The following RERE variants were observed in gnomAD, a reference collection of about 807,000 sequenced individuals.
RERE encodes the protein arginine-glutamic acid dipeptide repeats.
RERE carries 40 observed loss-of-function variants against 146.1 expected under a neutral mutation model. The observed-to-expected ratio is 0.27, with a 90% CI of 0.21 to 0.36. The LOEUF is 0.36. Among genes scored for constraint, RERE ranks in the 10% least tolerant of loss-of-function variants. RERE has a pLI of 1.00. For synonymous variants in RERE, 1,003 were observed against 866.0 expected, an observed-to-expected ratio of 1.16 and a Z score of -2.78; for missense variants, 1,933 against 2,138.7, an observed-to-expected ratio of 0.90 and a Z score of 1.90.
At chr1:8,544,805 T>C (rs999474030) in intron 6 of RERE, among the ~76,000 whole-genome samples, 7 of 152,294 alleles carry the variant, frequency 4.6e-5, no homozygotes, top group Non-Finnish European at 8.8e-5. Context: ...TGTAGCCATA[T>C]GGTAATGATT....
At chr1:8,700,040 C>G (rs1489040951) in intron 1 of RERE, among the ~76,000 whole-genome samples, 1 of 152,334 alleles carries the variant, frequency 6.6e-6, no homozygotes, top group South Asian at 2.1e-4. Context: ...GGCGCAGTGG[C>G]TCATGCCTGT....
intron 1 of RERE, among the ~76,000 whole-genome samples, chr1:8,761,715 C>A (rs911093020): frequency 1.6e-4 from 25 of 152,020 alleles, no homozygotes; most frequent in African/African-American, 6.0e-4. Flanking sequence ...GTCAGGAGTT[C>A]AAGACCAGCC....
rs770179844 is a variant in RERE, at chr1:8,360,546, G to A, written c.2961C>T (p.Pro987=). 4 of 1,001,568 alleles carry A rather than the reference G, an allele frequency of 4.0e-6. No individual in the cohort carries two copies. The highest frequency in any genetic ancestry group is 1.6e-5 in the South Asian group (1 of 64,006). 62.0% of individuals were successfully genotyped at this position (1,001,568 alleles called of 1,614,324 possible). A position where few individuals can be genotyped will look rare whatever the true frequency, so the allele number is the denominator to read the frequency against. ...GCTGGCTCTGAGGCATGAGTTGCAG[G>A]GGTGGGGGGTGAGCCGACGGGGGGT... is the stretch of plus-strand genomic sequence containing the variant. ...THHPPSAHPP[P]LQLMPQSQPL... The change falls in exon 18 of 23, where the codon CCC becomes CCT. Residue 987 remains proline (P), a synonymous_variant. Transcript: ENST00000400908.
intron 10 of RERE, among the ~76,000 whole-genome samples, chr1:8,466,928 C>T (rs1644606899): frequency 6.6e-6 from 1 of 152,196 alleles, no homozygotes. Flanking sequence ...AAAGATCCTC[C>T]TGCTCTATCT....
At chr1:8,679,491 T>A (rs1249707133) in intron 1 of RERE, among the ~76,000 whole-genome samples, 1 of 152,180 alleles carries the variant, frequency 6.6e-6, no homozygotes, top group Non-Finnish European at 1.5e-5. Context: ...TAAATTCCCC[T>A]CTCCACACTG....
intron 3 of RERE, among the ~76,000 whole-genome samples, chr1:8,618,545 T>C (rs1021796440): frequency 2.6e-4 from 39 of 152,212 alleles, no homozygotes; most frequent in African/African-American, 9.4e-4. Flanking sequence ...AATGCAAGAT[T>C]TACCTCCTTT....
At chr1:8,777,895 A>C (rs1641098614) in intron 1 of RERE, among the ~76,000 whole-genome samples, 1 of 151,826 alleles carries the variant, frequency 6.6e-6, no homozygotes, top group South Asian at 2.1e-4. Context: ...ATGGTTAAAA[A>C]AAAAAAAAAA....
chr1:8,791,793 T>C (rs891193654), intron 1 of RERE, among the ~76,000 whole-genome samples: 4 of 152,156 alleles, frequency 2.6e-5, no homozygotes, highest in Non-Finnish European at 4.4e-5. Context: ...GCAGTAGACA[T>C]TAGTTTCAAA....
At chr1:8,525,904 T>G in intron 7 of RERE, 3 of 1,412,720 alleles carry the variant, frequency 2.1e-6, no homozygotes, top group Middle Eastern at 1.8e-4. Context: ...AGAGACCTCA[T>G]AGAGCTTTCA....
intron 12 of RERE, among the ~76,000 whole-genome samples, chr1:8,374,270 C>T (rs1642153519): frequency 6.6e-6 from 1 of 152,162 alleles, no homozygotes; most frequent in Admixed American, 6.5e-5. Flanking sequence ...GGTCTTGTGG[C>T]TTTAACTTGT....
At position 8,607,534 on chromosome 1, in the gene RERE, C is replaced by CTTTTTTTTTTTTTTTTTT. The variant is rs1167501074; in HGVS notation, c.522+7009_522+7026dup. 1.2e-3 allele frequency among the ~76,000 whole-genome samples: 56 copies of CTTTTTTTTTTTTTTTTTT among 48,582 alleles called. 15 individuals carry two copies. The highest frequency in any genetic ancestry group is 1.7e-3 in the African/African-American group (20 of 11,662). 31.9% of individuals were successfully genotyped at this position (48,582 alleles called of 152,430 possible). ...CGCATATTTGTTTTTATATATATTTCTTTTTTTTTTTTTTTTTTTTTTTTT... is the reference window on the plus strand; with the variant it reads ...CGCATATTTGTTTTTATATATATTTCTTTTTTTTTTTTTTTTTTTTTTTTTTTTTTTTTTTTTTTTTTT... On this transcript the variant is annotated intron_variant, in intron 4 of 22. Transcript: ENST00000400908.
At chr1:8,468,515 T>G (rs959360168) in intron 10 of RERE, among the ~76,000 whole-genome samples, 1 of 152,186 alleles carries the variant, frequency 6.6e-6, no homozygotes, top group Non-Finnish European at 1.5e-5. Flanking sequence ...GTTGATCAAA[T>G]CATAAATTTT....
chr1:8,454,491 T>A (rs775184460), intron 11 of RERE, among the ~76,000 whole-genome samples: 5 of 151,932 alleles, frequency 3.3e-5, no homozygotes, highest in Non-Finnish European at 7.4e-5. Flanking sequence ...CCTTTTCCTA[T>A]AATTTTTTAG....
chr1:8,651,613 C>G (rs185191642), intron 2 of RERE, among the ~76,000 whole-genome samples: 1 of 151,718 alleles, frequency 6.6e-6, no homozygotes, highest in Non-Finnish European at 1.5e-5. Flanking sequence ...ATAATCCCAG[C>G]ACTTTGGGAA....
At chr1:8,730,316 C>A (rs189826765) in intron 1 of RERE, among the ~76,000 whole-genome samples, 6 of 152,166 alleles carry the variant, frequency 3.9e-5, no homozygotes, top group African/African-American at 1.4e-4. Flanking sequence ...AAAGTAATTT[C>A]CCCCATTTGT....
chr1:8,577,604 T>C (rs1468018329), intron 4 of RERE, among the ~76,000 whole-genome samples: 2 of 152,216 alleles, frequency 1.3e-5, no homozygotes, highest in African/African-American at 4.8e-5. Context: ...CACAGATCAC[T>C]TGAGCTTAAA....
chr1:8,654,115 C>A (rs1407810152), intron 2 of RERE, among the ~76,000 whole-genome samples: 1 of 151,750 alleles, frequency 6.6e-6, no homozygotes, highest in Non-Finnish European at 1.5e-5. Flanking sequence ...ACGGGGCTTA[C>A]TGCAGCCTTG....
At position 8,553,273 on chromosome 1, in the gene RERE, C is replaced by T. The variant is rs1211481559; in HGVS notation, c.725+3202G>A. 6.7e-5 allele frequency among the ~76,000 whole-genome samples: 10 copies of T among 149,798 alleles called. No individual in the cohort carries two copies. In the East Asian group the frequency reaches 1.6e-3, roughly 24 times the overall value. ...GAGACACTGCACCATTAAGCCAGTG[C>T]GTCCACACACACGTGACACTACACT... On this transcript the variant is annotated intron_variant, in intron 6 of 22. Transcript: ENST00000400908.
intron 1 of RERE, among the ~76,000 whole-genome samples, chr1:8,730,018 G>T (rs911572614): frequency 2.0e-5 from 3 of 152,188 alleles, no homozygotes; most frequent in African/African-American, 7.2e-5. Context: ...TCACACCTGA[G>T]ATAGGCTGAT....
Sources: gnomAD v4.1 joint callset for allele counts (sites outside exome capture counted in the v4.1 genomes callset) on GRCh38, gnomAD v4.1.1 for gene constraint, MANE v1.5 for transcripts, NCBI Gene and HGNC (gene_info 2026-07-23, HGNC 2026-07-21) for gene names.